The following PSD2 variants were observed in gnomAD, a reference collection of about 807,000 sequenced individuals.
The protein encoded by PSD2 is PH and SEC7 domain-containing protein 2.
A neutral mutation model predicts 69.8 loss-of-function variants in PSD2; 38 were observed. That is an observed-to-expected ratio of 0.54 (90% CI 0.42 to 0.71). The LOEUF is 0.71. Among genes scored for constraint, PSD2 ranks in the 30% least tolerant of loss-of-function variants. The pLI, the probability that PSD2 is intolerant of heterozygous loss-of-function variation, is 0.00. For synonymous variants in PSD2, 412 were observed against 423.0 expected (o/e 0.97, Z 0.32); for missense variants, 943 against 1,014.5 (o/e 0.93, Z 0.96).
the PSD2 span, among the ~76,000 whole-genome samples, chr5:139,757,713 T>C: frequency 6.6e-6 from 1 of 152,350 alleles, no homozygotes; most frequent in African/African-American, 2.4e-5. Flanking sequence ...TATATGCTTC[T>C]GTTCTTAACT....
rs147423092 is a variant in PSD2 at position 139,797,904 on chromosome 5, G to A, written c.-51+1929G>A. On this transcript the variant is annotated intron_variant, in intron 1 of 14. Coordinates refer to ENST00000274710, the MANE Select transcript of PSD2 (RefSeq NM_032289.4). ...GGAGAGAGGTGGGAGGTGGGATAGA[G>A]TGTCTCTCCATCTGGGCAAGAGGGT... 2.4e-3 allele frequency among the ~76,000 whole-genome samples: 362 copies of A among 152,288 alleles called. 1 individual carries two copies. Among genetic ancestry groups the A allele is most frequent in the African/African-American group, 8.0e-3 (333 of 41,560 alleles).
the PSD2 span, among the ~76,000 whole-genome samples, chr5:139,776,444 C>A: frequency 5.9e-5 from 9 of 152,222 alleles, no homozygotes; most frequent in African/African-American, 1.9e-4. Context: ...TAGGATCCTG[C>A]AGCAAGGCAG....
Position 139,809,740 on chromosome 5 carries a change from G to T in PSD2, c.300G>T (p.Arg100Ser), listed in dbSNP as rs1447990270. Residue 100 changes from arginine to serine, a missense_variant, in exon 2 of 15, where the codon AGG (arginine) becomes AGT (serine). Arg to Ser is a moderately radical substitution (Grantham distance 110). Transcript: ENST00000274710. ...ATTCAGCGGAGTCCAGGCCCTGGAGGGCTGGCGTGCTGGCAGAGGGGGACA... is the reference window on the plus strand; with the variant it reads ...ATTCAGCGGAGTCCAGGCCCTGGAGTGCTGGCGTGCTGGCAGAGGGGGACA... ...LEDSAESRPW[R>S]AGVLAEGDNA... 2 of 1,614,228 alleles carry T rather than the reference G, an allele frequency of 1.2e-6. No individual in the cohort carries two copies. Among genetic ancestry groups the T allele is most frequent in the East Asian group, 2.2e-5 (1 of 44,888 alleles).
At position 139,834,520 on chromosome 5, in the gene PSD2, C is replaced by G. The variant is rs527778082; in HGVS notation, c.1359+729C>G. Among the ~76,000 whole-genome samples, 3 of 151,344 alleles carry G rather than the reference C, an allele frequency of 2.0e-5. No homozygotes were observed. The East Asian group carries it at 5.8e-4, about 29-fold the overall frequency. ...CTCACTATGTTGCCCAGGCTGGTCA[C>G]AAACTCCTGGGCTCAAGCAATCCTC... On this transcript the variant is annotated intron_variant, in intron 8 of 14. Transcript: ENST00000274710.
chr5:139,825,130 A>G (rs568627410), intron 7 of PSD2, among the ~76,000 whole-genome samples: 66 of 152,362 alleles, frequency 4.3e-4, no homozygotes, highest in African/African-American at 1.5e-3. Context: ...GAGGTGGACA[A>G]CACAGAAGTG....
chr5:139,836,680 CA>C (rs1760726434), intron 9 of PSD2, 130 bp from the exon 10 acceptor site: 1 of 730,538 alleles, frequency 1.4e-6, no homozygotes, highest in South Asian at 1.8e-5. Context: ...GGAATCTCTT[CA>C]TCTCTGCCTC....
In PSD2 at chr5:139,813,522, G is replaced by A. The variant is rs780801225; in HGVS notation, c.585G>A (p.Gly195=). The part of the protein sequence containing the change: ...QQRARDSPEP[G]AGLGIGDMAF... ...GGGCCCGTGACAGCCCTGAGCCAGG[G>A]GCTGGGTTGGGCATTGGGGACATGG... The change falls in exon 3 of 15, where the codon GGG becomes GGA. Residue 195 remains glycine, a synonymous_variant. Transcript: ENST00000274710. The A allele has an allele frequency of 1.7e-5, 28 of 1,610,802 alleles. No individual in the cohort carries two copies. The highest frequency in any genetic ancestry group is 3.4e-6 in the Non-Finnish European group (4 of 1,177,486).
At position 139,814,234 on chromosome 5, in the gene PSD2, G is replaced by A. The variant is rs200927685; in HGVS notation, c.886G>A (p.Glu296Lys). The change falls in exon 4 of 15, where the codon GAG becomes AAG. Residue 296 changes from glutamate (E) to lysine (K), a missense_variant. Physicochemically the swap from Glu to Lys is moderately conservative, Grantham distance 56. This residue lies in a region of PSD2 where 466 missense variants were observed against 445.0 expected (regional missense o/e 1.05). Coordinates refer to ENST00000274710, the MANE Select transcript of PSD2 (RefSeq NM_032289.4). The surrounding 1 kb of genome is among the most constrained non-coding windows in gnomAD (Gnocchi z 4.4). ...DSELSSSEGL[E>K]PGSADPLANG... ...TGAGCTCAGCAGCTCGGAGGGGTTG[G>A]AGCCTGGTAGTGCAGACCCTCTGGC... 6.2e-7 allele frequency: 1 copy of A among 1,613,884 alleles called. No individual in the cohort carries two copies. Among genetic ancestry groups the A allele is most frequent in the African/African-American group, 1.3e-5 (1 of 75,036 alleles).
At chr5:139,757,672 G>C in the PSD2 span, among the ~76,000 whole-genome samples, 1 of 152,178 alleles carries the variant, frequency 6.6e-6, no homozygotes. Context: ...TCCAACCCTA[G>C]AATGTTCTGA....
chr5:139,843,399 G>C lies in PSD2; in HGVS notation c.*925G>C, dbSNP rs138517799. 1.3e-5 allele frequency: 2 copies of C among 152,224 alleles called. No individual in the cohort carries two copies. The highest frequency in any genetic ancestry group is 2.4e-5 in the African/African-American group (1 of 41,456). The allele number at this position is 152,224 out of a possible 1,614,324, so 9.4% of individuals were successfully genotyped here. On this transcript the variant is annotated 3_prime_UTR_variant, in exon 15 of 15. Transcript: ENST00000274710. ...AAATAGAGCGTGTATGCACCGCCCC[G>C]TTTGTCCCATGGATATCCTGGGGTG...
chr5:139,840,589 C>T (rs1277683588), intron 14 of PSD2, among the ~76,000 whole-genome samples: 3 of 146,890 alleles, frequency 2.0e-5, no homozygotes, highest in African/African-American at 5.1e-5. Flanking sequence ...CTCACTCTGT[C>T]GCCCAGGCTG....
the PSD2 span, among the ~76,000 whole-genome samples, chr5:139,748,410 C>T: frequency 6.6e-6 from 1 of 152,236 alleles, no homozygotes; most frequent in African/African-American, 2.4e-5. Context: ...CCCCGGTAAT[C>T]ACACAGGTGC....
intron 14 of PSD2, among the ~76,000 whole-genome samples, chr5:139,840,812 A>G (rs1389734251): frequency 6.6e-6 from 1 of 152,144 alleles, no homozygotes; most frequent in Non-Finnish European, 1.5e-5. Context: ...TCGGCCTCCC[A>G]AAGTGCTGGG....
the PSD2 span, among the ~76,000 whole-genome samples, chr5:139,781,584 C>T: frequency 6.6e-6 from 1 of 151,720 alleles, no homozygotes; most frequent in Non-Finnish European, 1.5e-5. Context: ...ATCCACCTGT[C>T]TTGGCTTCCC....
At chr5:139,804,742 T>C (rs962089806) in intron 1 of PSD2, among the ~76,000 whole-genome samples, 8 of 152,200 alleles carry the variant, frequency 5.3e-5, no homozygotes, top group African/African-American at 1.9e-4. Context: ...TGACCCTGGA[T>C]GCCCGATGAT....
chr5:139,835,093 C>T (rs1301031095), intron 8 of PSD2, among the ~76,000 whole-genome samples: 2 of 151,994 alleles, frequency 1.3e-5, no homozygotes, highest in Non-Finnish European at 2.9e-5. Flanking sequence ...CACCCATCCC[C>T]CATCACCCAT....
the PSD2 span, among the ~76,000 whole-genome samples, chr5:139,758,327 G>A: frequency 6.6e-6 from 1 of 152,184 alleles, no homozygotes; most frequent in African/African-American, 2.4e-5. Flanking sequence ...GAGGGCTGGG[G>A]ACAGGAAGTA....
intron 7 of PSD2, among the ~76,000 whole-genome samples, chr5:139,825,145 A>G (rs1294000366): frequency 1.3e-5 from 2 of 152,330 alleles, no homozygotes; most frequent in African/African-American, 2.4e-5. Flanking sequence ...GAAGTGAACA[A>G]GCGATTACAA....
At chr5:139,819,923 C>T (rs527358910) in intron 5 of PSD2, among the ~76,000 whole-genome samples, 30 of 152,220 alleles carry the variant, frequency 2.0e-4, no homozygotes, top group African/African-American at 3.9e-4. Context: ...ACTGGAGAGC[C>T]GCAGAAGGTA....
Sources: gnomAD v4.1 joint callset for allele counts (sites outside exome capture counted in the v4.1 genomes callset) on GRCh38, gnomAD v4.1.1 for gene constraint, gnomAD v4.1.1 regional missense constraint, Gnocchi (gnomAD v3.1) non-coding constraint, MANE v1.5 for transcripts, NCBI Gene and HGNC (gene_info 2026-07-23, HGNC 2026-07-21) for gene names.